CRISPLD1: variants seen among roughly 807,000 people sequenced by gnomAD.
The protein encoded by CRISPLD1 is cysteine-rich secretory protein LCCL domain-containing 1.
CRISPLD1 carries 60 observed loss-of-function variants against 77.5 expected under a neutral mutation model. The observed-to-expected ratio is 0.77, with a 90% CI of 0.63 to 0.96. CRISPLD1 has a LOEUF of 0.96. CRISPLD1 is among the 40% of genes least tolerant of loss of function. The pLI is 0.00. For synonymous variants in CRISPLD1, 195 were observed against 200.1 expected, an observed-to-expected ratio of 0.97 and a Z score of 0.22; for missense variants, 623 against 615.8, an observed-to-expected ratio of 1.01 and a Z score of -0.12.
At chr8:75,026,416 A>G (rs1813236956) in intron 13 of CRISPLD1, 3 of 152,226 alleles carry the variant, frequency 2.0e-5, no homozygotes, top group Non-Finnish European at 4.4e-5. Flanking sequence ...TTCTAGTGGG[A>G]TAAGTGACAT....
intron 10 of CRISPLD1, 137 bp downstream of exon 10, chr8:75,017,587 A>G (rs1411026913): frequency 6.6e-6 from 5 of 762,510 alleles, no homozygotes; most frequent in Non-Finnish European, 3.9e-6. Context: ...TTTAGCTTGT[A>G]GTTTTCTTAG....
intron 2 of CRISPLD1, 41 bp from the exon 3 acceptor site, chr8:75,012,392 A>G (rs1346136708): frequency 8.3e-7 from 1 of 1,199,716 alleles, no homozygotes; most frequent in East Asian, 2.3e-5. Flanking sequence ...GAAGTGTCCA[A>G]ATGCTACATG....
At chr8:75,021,163 A>G (rs1007124069) in intron 12 of CRISPLD1, among the ~76,000 whole-genome samples, 2 of 152,224 alleles carry the variant, frequency 1.3e-5, no homozygotes, top group Non-Finnish European at 2.9e-5. Context: ...TCTACTTTGG[A>G]AAAACATCAT....
Position 75,016,637 on chromosome 8 carries a change from A to G in CRISPLD1, c.800A>G (p.His267Arg), listed in dbSNP as rs1037181291. The change falls in exon 7 of 15, where the codon CAT (histidine) becomes CGT (arginine). Residue 267 changes from histidine to arginine, a missense_variant. Transcript: ENST00000262207. ...NEIERQQSQVHDTHVRTRSDD... is the reference protein window; with the variant it reads ...NEIERQQSQVRDTHVRTRSDD... ...ATAGAACGACAGCAGTCACAAGTCCATGACACCCATGTCCGGACAAGATCA... is the reference window on the plus strand; with the variant it reads ...ATAGAACGACAGCAGTCACAAGTCCGTGACACCCATGTCCGGACAAGATCA... 4.3e-6 allele frequency: 7 copies of G among 1,613,590 alleles called. No individual in the cohort carries two copies. The highest frequency in any genetic ancestry group is 2.2e-5 in the East Asian group (1 of 44,840).
intron 13 of CRISPLD1, among the ~76,000 whole-genome samples, chr8:75,027,873 G>A (rs545985827): frequency 2.2e-4 from 33 of 152,058 alleles, no homozygotes; most frequent in African/African-American, 7.5e-4. Flanking sequence ...TATTTTTACA[G>A]ATAATTCTTT....
chr8:75,001,006 A>G (rs933047540), intron 2 of CRISPLD1, among the ~76,000 whole-genome samples: 1 of 152,162 alleles, frequency 6.6e-6, no homozygotes, highest in African/African-American at 2.4e-5. Context: ...AATATTTTAC[A>G]TAATTACATA....
chr8:75,011,453 G>A (rs1053943790), intron 2 of CRISPLD1, among the ~76,000 whole-genome samples: 8 of 151,572 alleles, frequency 5.3e-5, no homozygotes, highest in Admixed American at 1.3e-4. Context: ...TTGTTTTCCC[G>A]TTTTCGTAAC....
chr8:74,998,685 C>CAAAAAAAAAAAAAAAAAA (rs368258595), intron 2 of CRISPLD1, among the ~76,000 whole-genome samples: 2 of 50,982 alleles, frequency 3.9e-5, no homozygotes, highest in East Asian at 7.1e-4. Flanking sequence ...GACTCCATCT[C>CAAAAAAAAAAAAAAAAAA]AAAAAAAAAA....
Position 75,014,911 on chromosome 8 carries a change from A to G in CRISPLD1, c.726A>G (p.Lys242=). ...GCTGTAGAGAAAATCTGTGCTACAAAGGTAAGTGCTATTGTGTTGTGGTAT... is the reference window on the plus strand; with the variant it reads ...GCTGTAGAGAAAATCTGTGCTACAAGGGTAAGTGCTATTGTGTTGTGGTAT... ...GGGCRENLCY[K]EGSDRYYPPR... is the part of the protein sequence containing the mutation. The change falls in exon 6 of 15, where the codon AAA becomes AAG. Residue 242 remains lysine, a splice_region_variant and synonymous_variant. Transcript: ENST00000262207. The G allele has an allele frequency of 6.4e-7, 1 of 1,560,750 alleles. No individual in the cohort carries two copies. The highest frequency in any genetic ancestry group is 8.6e-7 in the Non-Finnish European group (1 of 1,157,574).
At position 75,034,435 on chromosome 8, in the gene CRISPLD1, G is replaced by A. The variant is rs552209549; in HGVS notation, c.*2193G>A. The A allele has an allele frequency of 1.4e-4, 21 of 152,094 alleles. No homozygotes were observed. Among genetic ancestry groups the A allele is most frequent in the Admixed American group, 1.2e-3 (18 of 15,260 alleles). The allele number at this position is 152,094 out of a possible 1,614,324, so 9.4% of individuals were successfully genotyped here. A position where few individuals can be genotyped will look rare whatever the true frequency, so the allele number is the denominator to read the frequency against. On this transcript the variant is annotated 3_prime_UTR_variant, in exon 15 of 15. Coordinates refer to ENST00000262207, the MANE Select transcript of CRISPLD1 (RefSeq NM_031461.6). ...AATCATTTTTGTTATCTAATTTGGGGAAACTATTCATCTGTCATATACTAT... is the reference window on the plus strand; with the variant it reads ...AATCATTTTTGTTATCTAATTTGGGAAAACTATTCATCTGTCATATACTAT...
At chr8:75,023,012 G>A (rs1813164828) in intron 12 of CRISPLD1, among the ~76,000 whole-genome samples, 1 of 147,220 alleles carries the variant, frequency 6.8e-6, no homozygotes, top group Non-Finnish European at 1.5e-5. Flanking sequence ...TGCTCAAGAT[G>A]TAAAAGTAGA....
chr8:75,012,392 A>T (rs1346136708), intron 2 of CRISPLD1, 41 bp from the exon 3 acceptor site: 1 of 1,199,716 alleles, frequency 8.3e-7, no homozygotes, highest in Admixed American at 1.7e-5. Flanking sequence ...GAAGTGTCCA[A>T]ATGCTACATG....
At chr8:75,023,727 T>C (rs1813181839) in intron 12 of CRISPLD1, among the ~76,000 whole-genome samples, 1 of 152,140 alleles carries the variant, frequency 6.6e-6, no homozygotes, top group Non-Finnish European at 1.5e-5. Context: ...GTTAACAGTC[T>C]CATTTACTAC....
rs1813391770 is a variant in CRISPLD1, at chr8:75,033,573, T to C, written c.*1331T>C. On this transcript the variant is annotated 3_prime_UTR_variant, in exon 15 of 15. Coordinates refer to ENST00000262207, the MANE Select transcript of CRISPLD1 (RefSeq NM_031461.6). ...AAAGAATCTGAAAGATACAAAGTGA[T>C]TATAAAAGAATTGACAGGACAATAA... is the stretch of plus-strand genomic sequence containing the variant. The C allele has an allele frequency of 6.6e-6, 1 of 151,938 alleles. No homozygotes were observed. The highest frequency in any genetic ancestry group is 2.4e-5 in the African/African-American group (1 of 41,422). The allele number at this position is 151,938 out of a possible 1,614,324, so 9.4% of individuals were successfully genotyped here.
chr8:75,019,358 A>G, intron 10 of CRISPLD1, among the ~76,000 whole-genome samples: 1 of 152,168 alleles, frequency 6.6e-6, no homozygotes, highest in Admixed American at 6.5e-5. Flanking sequence ...CTTATATTTC[A>G]GCTTTTTAAT....
At chr8:75,000,450 C>T in intron 2 of CRISPLD1, 1 of 981,506 alleles carries the variant, frequency 1.0e-6, no homozygotes, top group Non-Finnish European at 1.2e-6. Context: ...TGCTATCTCA[C>T]ATGAACATCT....
chr8:75,004,266 G>A (rs187021528), intron 2 of CRISPLD1, among the ~76,000 whole-genome samples: 50 of 152,184 alleles, frequency 3.3e-4, no homozygotes, highest in African/African-American at 1.2e-3. Context: ...TAACTACAAA[G>A]TCTATTCAGA....
At chr8:74,994,697 A>G (rs370861532) in intron 2 of CRISPLD1, among the ~76,000 whole-genome samples, 48 of 152,280 alleles carry the variant, frequency 3.2e-4, no homozygotes, top group African/African-American at 1.1e-3. Context: ...GAACTTTTAC[A>G]TGAGAAGTAG....
At chr8:75,022,574 C>T (rs1045104283) in intron 12 of CRISPLD1, among the ~76,000 whole-genome samples, 8 of 136,984 alleles carry the variant, frequency 5.8e-5, no homozygotes, top group African/African-American at 1.7e-4. Context: ...GGCGAAAGAG[C>T]GAGACTCTGT....
Sources: gnomAD v4.1 joint callset for allele counts (sites outside exome capture counted in the v4.1 genomes callset) on GRCh38, gnomAD v4.1.1 for gene constraint, MANE v1.5 for transcripts, NCBI Gene and HGNC (gene_info 2026-07-23, HGNC 2026-07-21) for gene names.